The following TLN2 variants were observed in gnomAD, a reference collection of about 807,000 sequenced individuals.
The protein encoded by TLN2 is talin 2.
TLN2 carries 118 observed loss-of-function variants against 294.7 expected under a neutral mutation model. That is an observed-to-expected ratio of 0.40 (90% CI 0.34 to 0.47). TLN2 has a LOEUF of 0.47. Among genes scored for constraint, TLN2 ranks in the 20% least tolerant of loss-of-function variants. The probability of loss-of-function intolerance (pLI) is 0.84; values close to 1 mark genes in which losing one functional copy is unlikely to be tolerated. For missense variants in TLN2, 3,083 were observed against 3,282.2 expected, an observed-to-expected ratio of 0.94 and a Z score of 1.48; for synonymous variants, 1,431 against 1,304.5, an observed-to-expected ratio of 1.10 and a Z score of -2.09.
At position 62,819,588 on chromosome 15, in the gene TLN2, A is replaced by G; in HGVS notation, c.6844A>G (p.Thr2282Ala). 9.9e-6 allele frequency: 16 copies of G among 1,612,896 alleles called. No homozygotes were observed. Among genetic ancestry groups the G allele is most frequent in the Non-Finnish European group, 1.4e-5 (16 of 1,180,004 alleles). The change falls in exon 53 of 59, where the codon ACA becomes GCA. Residue 2282 changes from threonine (T) to alanine (A), a missense_variant. Coordinates refer to ENST00000636159, the MANE Select transcript of TLN2 (RefSeq NM_015059.3). Reference protein sequence around the residue: ...AFSKRVAGAVTELIQAAEAMK... With the variant: ...AFSKRVAGAVAELIQAAEAMK... The stretch of plus-strand genomic sequence containing the variant: ...CTCCAAGCGAGTCGCCGGCGCTGTG[A>G]CAGAGCTCATCCAGGCGGCGGAAGC...
At position 62,698,807 on chromosome 15, in the gene TLN2, C is replaced by G; in HGVS notation, c.1527C>G (p.Val509=). 3 of 1,612,782 alleles carry G rather than the reference C, an allele frequency of 1.9e-6. No individual in the cohort carries two copies. Among genetic ancestry groups the G allele is most frequent in the Non-Finnish European group, 2.5e-6 (3 of 1,180,026 alleles). ...MGTINTSMHA[V]QQAQDDLSEL... ...CCATCAACACAAGCATGCACGCCGT[C>G]CAGCAGGCCCAGGATGATCTCAGTG... The change falls in exon 16 of 59, where the codon GTC becomes GTG. Residue 509 remains valine (V), a synonymous_variant. Coordinates refer to ENST00000636159, the MANE Select transcript of TLN2 (RefSeq NM_015059.3).
chr15:62,759,526 T>C (rs1014402534), intron 37 of TLN2, among the ~76,000 whole-genome samples: 1 of 152,226 alleles, frequency 6.6e-6, no homozygotes, highest in African/African-American at 2.4e-5. Flanking sequence ...AGATTTCCCT[T>C]GAGTTGTCAT....
chr15:62,424,091 A>G (rs1176211066), intron 1 of TLN2, among the ~76,000 whole-genome samples: 4 of 152,174 alleles, frequency 2.6e-5, no homozygotes, highest in Admixed American at 6.5e-5. Flanking sequence ...ATAAGTTCCT[A>G]ACTGTCCATG....
rs776923774 is a variant in TLN2 at position 62,708,233 on chromosome 15, G to A, written c.2173-269G>A. On this transcript the variant is annotated intron_variant, in intron 20 of 58. Coordinates refer to ENST00000636159, the MANE Select transcript of TLN2 (RefSeq NM_015059.3). Reference sequence around the variant, plus strand: ...AATTTCTCTGTATGGAAGTAGGGCAGTAGTATGGACTGTCACATGTGACTA... The same window carrying A: ...AATTTCTCTGTATGGAAGTAGGGCAATAGTATGGACTGTCACATGTGACTA... 1.4e-4 allele frequency among the ~76,000 whole-genome samples: 22 copies of A among 152,316 alleles called. 1 individual carries two copies. Among genetic ancestry groups the A allele is most frequent in the South Asian group, 6.2e-4 (3 of 4,816 alleles).
At chr15:62,534,822 T>C (rs1452210238) in intron 1 of TLN2, among the ~76,000 whole-genome samples, 2 of 152,102 alleles carry the variant, frequency 1.3e-5, no homozygotes, top group East Asian at 3.9e-4. Context: ...TCAGGAGCTA[T>C]CTGTCAGGAA....
At chr15:62,595,626 C>T (rs2046431909) in intron 2 of TLN2, among the ~76,000 whole-genome samples, 1 of 152,162 alleles carries the variant, frequency 6.6e-6, no homozygotes, top group Non-Finnish European at 1.5e-5. Context: ...TTCATTGCAG[C>T]ACTGTTCACA....
chr15:62,652,170 T>G, intron 6 of TLN2, 36 bp downstream of exon 6: 2 of 1,478,154 alleles, frequency 1.4e-6, no homozygotes, highest in Non-Finnish European at 1.8e-6. Flanking sequence ...GTCTTTTTGC[T>G]TAGTTTTTAA....
At chr15:62,807,602 T>C (rs1245287566) in intron 51 of TLN2, among the ~76,000 whole-genome samples, 2 of 152,160 alleles carry the variant, frequency 1.3e-5, no homozygotes, top group Non-Finnish European at 2.9e-5. Flanking sequence ...AATGGTCTTT[T>C]TAAAGGGAAT....
chr15:62,537,959 C>T (rs1017143473), intron 1 of TLN2, among the ~76,000 whole-genome samples: 2 of 152,286 alleles, frequency 1.3e-5, no homozygotes, highest in Admixed American at 6.5e-5. Context: ...TGGTGGCTCA[C>T]GTCTGTAATC....
At chr15:62,530,615 A>G (rs1179488635) in intron 1 of TLN2, among the ~76,000 whole-genome samples, 1 of 152,188 alleles carries the variant, frequency 6.6e-6, no homozygotes, top group African/African-American at 2.4e-5. Flanking sequence ...TTGGCCTCCC[A>G]AAGTGCTGGG....
chr15:62,732,949 A>C (rs1295129203), intron 28 of TLN2, among the ~76,000 whole-genome samples: 1 of 152,210 alleles, frequency 6.6e-6, no homozygotes, highest in African/African-American at 2.4e-5. Flanking sequence ...TGAGAGCATC[A>C]TTAGGCAGCT....
chr15:62,567,013 G>T (rs918657686), intron 1 of TLN2, among the ~76,000 whole-genome samples: 6 of 152,164 alleles, frequency 3.9e-5, no homozygotes, highest in Admixed American at 3.9e-4. Context: ...TTCAGGTTCT[G>T]CCCCATGGCA....
chr15:62,410,464 A>G (rs1439518683), intron 1 of TLN2, among the ~76,000 whole-genome samples: 4 of 152,238 alleles, frequency 2.6e-5, no homozygotes, highest in Non-Finnish European at 5.9e-5. Flanking sequence ...CTGATTTTAA[A>G]AAAAAGGTAT....
chr15:62,535,892 T>C (rs959430012), intron 1 of TLN2, among the ~76,000 whole-genome samples: 2 of 152,174 alleles, frequency 1.3e-5, no homozygotes, highest in Admixed American at 6.5e-5. Context: ...ATACAATAAC[T>C]CTTATGTGTG....
At chr15:62,668,746 G>A (rs1322133519) in intron 9 of TLN2, among the ~76,000 whole-genome samples, 3 of 152,152 alleles carry the variant, frequency 2.0e-5, no homozygotes, top group East Asian at 1.9e-4. Flanking sequence ...ACAAGATGCC[G>A]GCTTCCCACG....
chr15:62,770,520 G>A (rs576146119), intron 41 of TLN2, among the ~76,000 whole-genome samples: 2 of 152,286 alleles, frequency 1.3e-5, no homozygotes, highest in African/African-American at 2.4e-5. Flanking sequence ...CTGGGCAAAA[G>A]GCAGTTGGGA....
chr15:62,760,352 C>T (rs949719061), intron 37 of TLN2, among the ~76,000 whole-genome samples: 2 of 152,164 alleles, frequency 1.3e-5, no homozygotes, highest in Non-Finnish European at 2.9e-5. Flanking sequence ...TTCAAACCAA[C>T]GGTGGCTGCC....
rs960172692 is a variant in TLN2, at chr15:62,842,341, G to A, written c.*1731G>A. ...AGCTGCTGGAGCCCTAGCCTGTTGG[G>A]GAAAAGCTGGCACACTCTTGGCTCG... is the stretch of plus-strand genomic sequence containing the variant. On this transcript the variant is annotated 3_prime_UTR_variant, in exon 59 of 59. Coordinates refer to ENST00000636159, the MANE Select transcript of TLN2 (RefSeq NM_015059.3). The A allele has an allele frequency of 6.6e-6, 1 of 152,162 alleles. No homozygotes were observed. Among genetic ancestry groups the A allele is most frequent in the Non-Finnish European group, 1.5e-5 (1 of 68,076 alleles). The allele number at this position is 152,162 out of a possible 1,614,324, so 9.4% of individuals were successfully genotyped here.
chr15:62,448,743 T>A (rs946859208), intron 1 of TLN2, among the ~76,000 whole-genome samples: 1 of 152,248 alleles, frequency 6.6e-6, no homozygotes, highest in Non-Finnish European at 1.5e-5. Flanking sequence ...GTCTCTAGAT[T>A]CACTATGTTA....
Sources: allele counts gnomAD v4.1 joint callset (sites outside exome capture counted in the v4.1 genomes callset), GRCh38; gene constraint gnomAD v4.1.1; transcripts MANE v1.5; gene names NCBI Gene and HGNC (gene_info 2026-07-23, HGNC 2026-07-21).